The following WDFY3 variants were observed in gnomAD, a reference collection of about 807,000 sequenced individuals.
The protein encoded by WDFY3 is WD repeat and FYVE domain containing 3.
Under a neutral mutation model 409.6 loss-of-function variants are expected in WDFY3, and 66 were observed. The observed-to-expected ratio is 0.16, with a 90% CI of 0.13 to 0.20. The LOEUF (loss-of-function observed/expected upper bound fraction) is 0.20. Among genes scored for constraint, WDFY3 ranks in the 10% least tolerant of loss-of-function variants. WDFY3 has a pLI of 1.00. For synonymous variants in WDFY3, 1,521 were observed against 1,537.1 expected, an observed-to-expected ratio of 0.99 and a Z score of 0.25; for missense variants, 3,031 against 4,298.1, an observed-to-expected ratio of 0.71 and a Z score of 8.24.
At chr4:84,684,277 T>C (rs1043100253) in intron 62 of WDFY3, 152 bp from the exon 63 acceptor site, 3 of 684,864 alleles carry the variant, frequency 4.4e-6, no homozygotes, top group East Asian at 3.1e-5. Context: ...ATTCAGTGCT[T>C]GCTGACTTAA....
chr4:84,756,828 G>T, intron 33 of WDFY3, 98 bp downstream of exon 33: 2 of 1,265,560 alleles, frequency 1.6e-6, no homozygotes, highest in South Asian at 1.5e-5. Context: ...TGGGGAAAGT[G>T]ATGGAATTGA....
chr4:84,897,528 G>A (rs1426579416), intron 2 of WDFY3, among the ~76,000 whole-genome samples: 1 of 152,094 alleles, frequency 6.6e-6, no homozygotes, highest in Non-Finnish European at 1.5e-5. Flanking sequence ...GATTACAGGT[G>A]TACGCCACCA....
rs182415015 is a variant in WDFY3, at chr4:84,841,012, T to C, written c.414+142A>G. On this transcript the variant is annotated intron_variant, in intron 6 of 67. Transcript: ENST00000295888. Reference sequence around the variant, plus strand: ...CAGAGATGTTATGAGAAGCATGAAATAATGTTTTAAAAAAGTTAGAAGAAT... The same window carrying C: ...CAGAGATGTTATGAGAAGCATGAAACAATGTTTTAAAAAAGTTAGAAGAAT... 227 of 714,318 alleles carry C rather than the reference T, an allele frequency of 3.2e-4. No individual in the cohort carries two copies. In the African/African-American group the frequency reaches 3.9e-3, roughly 12 times the overall value. 44.2% of individuals were successfully genotyped at this position (714,318 alleles called of 1,614,324 possible).
At chr4:84,844,540 G>C (rs1757822061) in intron 5 of WDFY3, 1 of 1,288,690 alleles carries the variant, frequency 7.8e-7, no homozygotes, top group Admixed American at 2.3e-5. Flanking sequence ...GGTTGTCTAA[G>C]TAGGGATTCA....
At chr4:84,855,918 C>T (rs566267566) in intron 4 of WDFY3, among the ~76,000 whole-genome samples, 111 of 152,284 alleles carry the variant, frequency 7.3e-4, no homozygotes, top group Non-Finnish European at 1.0e-3. Context: ...CTTTGCCTGC[C>T]TCATGAGAAT....
At chr4:84,966,094 C>A (rs1448256159) in intron 1 of WDFY3, 115 bp downstream of exon 1, 1 of 151,824 alleles carries the variant, frequency 6.6e-6, no homozygotes, top group Non-Finnish European at 1.5e-5. Flanking sequence ...GGGCGCAGGG[C>A]CGCGAGTGGG....
At chr4:84,921,646 ATTTTTTTT>A (rs747576197) in intron 2 of WDFY3, among the ~76,000 whole-genome samples, 133 of 78,648 alleles carry the variant, frequency 1.7e-3, no homozygotes, top group African/African-American at 7.0e-3. Flanking sequence ...TATTGCTTTC[ATTTTTTTT>A]TTTTTTTTTT....
In WDFY3 at chr4:84,679,288, T is replaced by G. The variant is rs147095551; in HGVS notation, c.9824-46A>C. 2.7e-4 allele frequency: 393 copies of G among 1,438,760 alleles called. 2 individuals are homozygous for G. The highest frequency in any genetic ancestry group is 3.4e-4 in the Non-Finnish European group (375 of 1,089,044). 89.1% of individuals were successfully genotyped at this position (1,438,760 alleles called of 1,614,324 possible). A position where few individuals can be genotyped will look rare whatever the true frequency, so the allele number is the denominator to read the frequency against. On this transcript the variant is annotated intron_variant, in intron 64 of 67. Coordinates refer to ENST00000295888, the MANE Select transcript of WDFY3 (RefSeq NM_014991.6). Reference sequence around the variant, plus strand: ...ATTGGAACATACGGAACCATCAAAGTTACACCCAGCTTTGTTCTGCTAGTA... The same window carrying G: ...ATTGGAACATACGGAACCATCAAAGGTACACCCAGCTTTGTTCTGCTAGTA...
rs1306128852 is a variant in WDFY3 at position 84,809,802 on chromosome 4, T to C, written c.2345+85A>G. 8 of 1,231,106 alleles carry C rather than the reference T, an allele frequency of 6.5e-6. No individual in the cohort carries two copies. The Admixed American group carries it at 2.0e-4, about 30-fold the overall frequency. The allele number at this position is 1,231,106 out of a possible 1,614,324, so 76.3% of individuals were successfully genotyped here. On this transcript the variant is annotated intron_variant, in intron 14 of 67. Transcript: ENST00000295888. Reference sequence around the variant, plus strand: ...AAGAGTCATCTGTTTTCATATTCTTTTGGATTAACTCATAATTCAAGTCTT... The same window carrying C: ...AAGAGTCATCTGTTTTCATATTCTTCTGGATTAACTCATAATTCAAGTCTT...
intron 21 of WDFY3, among the ~76,000 whole-genome samples, chr4:84,792,932 A>G (rs1274138189): frequency 6.6e-6 from 1 of 152,224 alleles, no homozygotes; most frequent in African/African-American, 2.4e-5. Flanking sequence ...CTTAGATTAC[A>G]AAGATAAGCA....
At chr4:84,705,278 CA>C in intron 54 of WDFY3, 115 bp downstream of exon 54, 1 of 765,106 alleles carries the variant, frequency 1.3e-6, no homozygotes, top group East Asian at 2.5e-5. Flanking sequence ...ACATATAATA[CA>C]TATAGATATG....
chr4:84,760,980 T>C (rs1191321783), intron 32 of WDFY3, among the ~76,000 whole-genome samples: 7 of 150,804 alleles, frequency 4.6e-5, no homozygotes, highest in East Asian at 1.9e-4. Flanking sequence ...GCTTTGAATG[T>C]GTCCCAGAGA....
intron 61 of WDFY3, among the ~76,000 whole-genome samples, chr4:84,690,095 G>A (rs1729005389): frequency 6.6e-6 from 1 of 152,068 alleles, no homozygotes; most frequent in Admixed American, 6.6e-5. Context: ...ATATCCTTAA[G>A]TATATGACAA....
In WDFY3 at chr4:84,755,331, T is replaced by C; in HGVS notation, c.5494A>G (p.Ile1832Val). ...ACAGCTTCTGTGCATACGTTATGGA[T>C]AGAAGAGACCACAGTTCCGCTGGAG... is the stretch of plus-strand genomic sequence containing the variant. ...PASSGTVVSS[I>V]HNVCTEAVFL... The change falls in exon 34 of 68, where the codon ATC becomes GTC. Residue 1832 changes from isoleucine to valine, a missense_variant. Ile to Val is a conservative substitution (Grantham distance 29). This residue lies in a region of WDFY3 where 342 missense variants were observed against 463.7 expected (regional missense o/e 0.74). Transcript: ENST00000295888. The C allele has an allele frequency of 6.2e-7, 1 of 1,612,828 alleles. No individual in the cohort carries two copies. The highest frequency in any genetic ancestry group is 1.7e-5 in the Admixed American group (1 of 59,584).
chr4:84,756,724 T>C (rs1350507400), intron 33 of WDFY3, among the ~76,000 whole-genome samples: 1 of 152,138 alleles, frequency 6.6e-6, no homozygotes, highest in Non-Finnish European at 1.5e-5. Flanking sequence ...AGAGTTATCA[T>C]ATAGGAAAAA....
intron 33 of WDFY3, among the ~76,000 whole-genome samples, chr4:84,756,102 C>T (rs1741389180): frequency 6.6e-6 from 1 of 152,176 alleles, no homozygotes; most frequent in Admixed American, 6.5e-5. Context: ...ATACAGACAT[C>T]TTTAACAGTC....
At chr4:84,708,134 G>A (rs973377208) in intron 53 of WDFY3, among the ~76,000 whole-genome samples, 3 of 152,192 alleles carry the variant, frequency 2.0e-5, no homozygotes, top group Non-Finnish European at 4.4e-5. Context: ...AGGAAGAGGG[G>A]AATCAAAATA....
chr4:84,904,103 C>T (rs1766693758), intron 2 of WDFY3, among the ~76,000 whole-genome samples: 1 of 152,156 alleles, frequency 6.6e-6, no homozygotes, highest in South Asian at 2.1e-4. Context: ...TTGCCTCTTC[C>T]ACATGTGAGG....
chr4:84,961,952 G>T (rs191441491), intron 1 of WDFY3, among the ~76,000 whole-genome samples: 1 of 152,266 alleles, frequency 6.6e-6, no homozygotes, highest in Admixed American at 6.5e-5. Flanking sequence ...CCACTCCTAG[G>T]TATTAACTCA....
Sources: gnomAD v4.1 joint callset for allele counts (sites outside exome capture counted in the v4.1 genomes callset) on GRCh38, gnomAD v4.1.1 for gene constraint, gnomAD v4.1.1 regional missense constraint, MANE v1.5 for transcripts, NCBI Gene and HGNC (gene_info 2026-07-23, HGNC 2026-07-21) for gene names.